The following TMPRSS9 variants were observed in gnomAD, a reference collection of about 807,000 sequenced individuals.
TMPRSS9 encodes the protein transmembrane serine protease 9, also known as transmembrane protease serine 9.
In TMPRSS9, 113 loss-of-function variants were observed where a neutral mutation model predicts 111.4. The observed-to-expected ratio is 1.01, with a 90% CI of 0.87 to 1.19. The LOEUF (loss-of-function observed/expected upper bound fraction) is 1.19, where lower values mean the gene tolerates loss of function less well. TMPRSS9 is among the 50% of genes most tolerant of loss of function. The pLI is 0.00. For synonymous variants in TMPRSS9, 805 were observed against 659.1 expected, an observed-to-expected ratio of 1.22 and a Z score of -3.39; for missense variants, 1,803 against 1,513.1, an observed-to-expected ratio of 1.19 and a Z score of -3.18.
At chr19:2,425,999 G>C in exon 18 of TMPRSS9, 2 of 1,607,402 alleles carry the variant, frequency 1.2e-6, no homozygotes, top group Non-Finnish European at 1.7e-6. Flanking sequence ...CACTAGCTGG[G>C]GCTATGGCTG....
chr19:2,426,179 G>C, exon 18 of TMPRSS9: 1 of 1,015,044 alleles, frequency 9.9e-7, no homozygotes. Flanking sequence ...CCCTACCCAA[G>C]GACGGGTGTG....
At chr19:2,373,126 C>T (rs1464114745) in intron 1 of TMPRSS9, among the ~76,000 whole-genome samples, 2 of 151,996 alleles carry the variant, frequency 1.3e-5, no homozygotes, top group Non-Finnish European at 2.9e-5. Flanking sequence ...AGCCACTGCG[C>T]CCAGCCAGAA....
chr19:2,388,387 AAAAC>A (rs966306555), upstream of TMPRSS9, among the ~76,000 whole-genome samples: 24 of 152,118 alleles, frequency 1.6e-4, no homozygotes, highest in Non-Finnish European at 3.4e-4. Context: ...CCCTGTCTCA[AAAAC>A]AAACAAAAAA....
intron 13 of TMPRSS9, among the ~76,000 whole-genome samples, chr19:2,421,382 G>A (rs922303179): frequency 1.8e-4 from 27 of 151,166 alleles, no homozygotes; most frequent in Middle Eastern, 3.4e-3. Context: ...TCCGCCTCCC[G>A]GGTTCACGCC....
rs1555763796 is a variant in TMPRSS9, at chr19:2,363,811, C to CGT, written c.-26+3452_-26+3453insTG. Among the ~76,000 whole-genome samples the CGT allele has an allele frequency of 1.4e-3, 159 of 114,900 alleles. 1 individual carries two copies. Among genetic ancestry groups the CGT allele is most frequent in the African/African-American group, 4.6e-3 (137 of 29,906 alleles). The allele number at this position is 114,900 out of a possible 152,430, so 75.4% of individuals were successfully genotyped here. A position where few individuals can be genotyped will look rare whatever the true frequency, so the allele number is the denominator to read the frequency against. ...GTGAGTGTGTGTGTGTGTGCGTGCGCGCGTGTGTGTGTGAGAGAGAGAGAG... is the reference window on the plus strand; with the variant it reads ...GTGAGTGTGTGTGTGTGTGCGTGCGCGTGCGTGTGTGTGTGAGAGAGAGAGAG... On this transcript the variant is annotated intron_variant, in intron 1 of 17. Coordinates refer to the TMPRSS9 transcript ENST00000649857.
At chr19:2,374,311 G>T (rs1464926567) in intron 1 of TMPRSS9, among the ~76,000 whole-genome samples, 1 of 119,968 alleles carries the variant, frequency 8.3e-6, no homozygotes, top group African/African-American at 3.1e-5. Context: ...GGTGGCTCAC[G>T]CCTGTAATCC....
At chr19:2,400,592 G>T (rs1310986714) in intron 4 of TMPRSS9, among the ~76,000 whole-genome samples, 2 of 152,080 alleles carry the variant, frequency 1.3e-5, no homozygotes, top group East Asian at 3.9e-4. Context: ...GCATGATTTT[G>T]TATGCACCTG....
At chr19:2,394,855 G>A (rs75280324) in intron 1 of TMPRSS9, among the ~76,000 whole-genome samples, 12,481 of 152,178 alleles carry the variant, frequency 0.082, 756 homozygotes, top group Non-Finnish European at 0.13. Flanking sequence ...TGCTCTCATG[G>A]TTTCTGTGGT....
At position 2,416,765 on chromosome 19, in the gene TMPRSS9, G is replaced by A. The variant is rs111806188; in HGVS notation, c.1973G>A (p.Arg658Gln). The change falls in exon 12 of 18, where the codon CGG (arginine) becomes CAG (glutamine). Residue 658 changes from arginine (R) to glutamine (Q), a missense_variant. Transcript: ENST00000648592. ...GCCATCCAGAAGTTCCCTGTGGGCC[G>A]GAAGTGCATGATCTCCGGATGGGGA... 9.9e-5 allele frequency: 159 copies of A among 1,612,476 alleles called. 1 individual carries two copies. The highest frequency in any genetic ancestry group is 1.2e-4 in the Non-Finnish European group (142 of 1,179,940).
chr19:2,375,635 C>T (rs1970327425), intron 1 of TMPRSS9, among the ~76,000 whole-genome samples: 1 of 149,870 alleles, frequency 6.7e-6, no homozygotes, highest in Non-Finnish European at 1.5e-5. Context: ...CTGTGATTGG[C>T]AGGCTTGTGT....
intron 2 of TMPRSS9, among the ~76,000 whole-genome samples, chr19:2,397,255 G>A (rs1454746476): frequency 6.6e-6 from 1 of 151,892 alleles, no homozygotes; most frequent in African/African-American, 2.4e-5. Context: ...TATTCTAAAG[G>A]GGAATCAGAG....
intron 1 of TMPRSS9, among the ~76,000 whole-genome samples, chr19:2,369,597 ATT>A (rs71178266): frequency 0.29 from 31,910 of 109,792 alleles, 4,554 homozygotes; most frequent in African/African-American, 0.4. Context: ...CTAATTTGTA[ATT>A]TTTTTTTTTT....
intron 1 of TMPRSS9, among the ~76,000 whole-genome samples, chr19:2,380,222 T>C (rs939133298): frequency 1.1e-4 from 16 of 152,010 alleles, no homozygotes; most frequent in African/African-American, 3.9e-4. Flanking sequence ...AAATCGAGGC[T>C]GCAATGAGCT....
Position 2,421,882 on chromosome 19 carries a change from A to AG in TMPRSS9, c.2185dup (p.Glu729GlyfsTer22). On this transcript the variant is annotated frameshift_variant, in exon 14 of 18. Coordinates refer to ENST00000648592, the Ensembl canonical transcript of TMPRSS9. LOFTEE classifies it high-confidence loss of function. The stretch of plus-strand genomic sequence containing the variant: ...GACTCTGGGGGCCCCCTGGCCTGCG[A>AG]GGAGGCCCCTGGCGTGTTTTATCTG... The AG allele has an allele frequency of 1.2e-6, 2 of 1,609,932 alleles. No individual in the cohort carries two copies. Among genetic ancestry groups the AG allele is most frequent in the Non-Finnish European group, 1.7e-6 (2 of 1,178,018 alleles).
chr19:2,425,422 T>G, exon 17 of TMPRSS9: 10 of 1,586,808 alleles, frequency 6.3e-6, no homozygotes, highest in Non-Finnish European at 8.5e-6. Context: ...CTGCCGCCGC[T>G]TCTACCCAGT....
At chr19:2,377,799 A>C in intron 1 of TMPRSS9, among the ~76,000 whole-genome samples, 1 of 136,832 alleles carries the variant, frequency 7.3e-6, no homozygotes, top group African/African-American at 2.8e-5. Context: ...TGCAGCCTCG[A>C]CCTTCCAGGC....
upstream of TMPRSS9, among the ~76,000 whole-genome samples, chr19:2,385,173 G>GGGGGGGCGGGGCTCGC (rs1568172942): frequency 5.0e-5 from 6 of 119,284 alleles, no homozygotes; most frequent in African/African-American, 2.6e-4. Context: ...CGGGGCTCGC[G>GGGGGGGCGGGGCTCGC]GGGGGCGGGG....
At chr19:2,419,279 C>G (rs964363412) in intron 13 of TMPRSS9, among the ~76,000 whole-genome samples, 3 of 150,282 alleles carry the variant, frequency 2.0e-5, no homozygotes, top group African/African-American at 7.4e-5. Flanking sequence ...TCTTGGCTCA[C>G]TGCAACCTCC....
intron 7 of TMPRSS9, among the ~76,000 whole-genome samples, chr19:2,405,992 G>A (rs542027617): frequency 1.1e-4 from 17 of 149,316 alleles, no homozygotes; most frequent in African/African-American, 3.4e-4. Flanking sequence ...CATCGTGCCC[G>A]GCCTCTTTTC....
Sources: gnomAD v4.1 joint callset for allele counts (sites outside exome capture counted in the v4.1 genomes callset) on GRCh38, gnomAD v4.1.1 for gene constraint, MANE v1.5 for transcripts, NCBI Gene and HGNC (gene_info 2026-07-23, HGNC 2026-07-21) for gene names.